The following CTNNA3 variants were observed in gnomAD, a reference collection of about 807,000 sequenced individuals.
The protein encoded by CTNNA3 is catenin alpha 3, also known as catenin alpha-3.
In CTNNA3, 76 loss-of-function variants were observed where a neutral mutation model predicts 95.7. That is an observed-to-expected ratio of 0.79 (90% CI 0.66 to 0.96). The LOEUF is 0.96. Among genes scored for constraint, CTNNA3 ranks in the 40% least tolerant of loss-of-function variants. The pLI, the probability that CTNNA3 is intolerant of heterozygous loss-of-function variation, is 0.00. For synonymous variants in CTNNA3, 431 were observed against 374.4 expected (o/e 1.15, Z -1.74); for missense variants, 1,191 against 1,089.8 (o/e 1.09, Z -1.31).
At chr10:66,552,347 T>A (rs1250276292) in intron 10 of CTNNA3, among the ~76,000 whole-genome samples, 1 of 152,118 alleles carries the variant, frequency 6.6e-6, no homozygotes, top group African/African-American at 2.4e-5. Context: ...ATTACCACCA[T>A]CTATATGATG....
intron 7 of CTNNA3, among the ~76,000 whole-genome samples, chr10:67,133,742 A>G (rs950507115): frequency 6.6e-6 from 1 of 152,138 alleles, no homozygotes; most frequent in African/African-American, 2.4e-5. Context: ...ATTCTAATAC[A>G]TGGAAAAGAC....
At chr10:67,484,827 C>T (rs1331842015) in intron 5 of CTNNA3, among the ~76,000 whole-genome samples, 1 of 151,986 alleles carries the variant, frequency 6.6e-6, no homozygotes, top group African/African-American at 2.4e-5. Context: ...CAGATGCTGG[C>T]AAGGCTATGG....
At chr10:67,317,677 G>A (rs181154223) in intron 5 of CTNNA3, among the ~76,000 whole-genome samples, 5 of 152,064 alleles carry the variant, frequency 3.3e-5, no homozygotes, top group African/African-American at 4.8e-5. Context: ...CACCTGACTC[G>A]GCCTCCCAAA....
chr10:67,088,438 T>C (rs1364027780), intron 7 of CTNNA3, among the ~76,000 whole-genome samples: 1 of 151,870 alleles, frequency 6.6e-6, no homozygotes, highest in Non-Finnish European at 1.5e-5. Context: ...CAAAATATAT[T>C]CAAAAGTGGC....
chr10:67,493,708 C>G (rs1316760422), intron 5 of CTNNA3, among the ~76,000 whole-genome samples: 1 of 152,070 alleles, frequency 6.6e-6, no homozygotes, highest in Non-Finnish European at 1.5e-5. Flanking sequence ...GTTAACAAAA[C>G]TAGCTCCAGG....
intron 12 of CTNNA3, among the ~76,000 whole-genome samples, chr10:66,334,197 T>C (rs1307576390): frequency 1.3e-5 from 2 of 152,062 alleles, no homozygotes; most frequent in Non-Finnish European, 2.9e-5. Context: ...TGCCAGTCTG[T>C]CTTTTAATTG....
intron 5 of CTNNA3, among the ~76,000 whole-genome samples, chr10:67,483,037 C>G (rs1848298806): frequency 3.9e-5 from 6 of 152,068 alleles, no homozygotes; most frequent in Admixed American, 3.9e-4. Flanking sequence ...CACTGGCCAT[C>G]AGAGAAATGC....
intron 7 of CTNNA3, among the ~76,000 whole-genome samples, chr10:67,022,749 AAC>A (rs1312530745): frequency 1.3e-5 from 2 of 152,066 alleles, no homozygotes; most frequent in Admixed American, 1.3e-4. Flanking sequence ...CATCCTGACT[AAC>A]ACAGTGAAAC....
chr10:67,691,116 G>A (rs1250568397), intron 1 of CTNNA3, among the ~76,000 whole-genome samples: 1 of 152,236 alleles, frequency 6.6e-6, no homozygotes, highest in Admixed American at 6.5e-5. Flanking sequence ...CTGGTCTCCA[G>A]CTCCCAACCA....
chr10:66,803,015 T>C (rs1841491498), intron 7 of CTNNA3, among the ~76,000 whole-genome samples: 1 of 151,964 alleles, frequency 6.6e-6, no homozygotes, highest in African/African-American at 2.4e-5. Context: ...TCGGAAATAT[T>C]CATTTTTTTT....
chr10:67,353,732 A>G (rs1842716643), intron 5 of CTNNA3, among the ~76,000 whole-genome samples: 2 of 152,032 alleles, frequency 1.3e-5, no homozygotes, highest in Admixed American at 1.3e-4. Flanking sequence ...TTCAGCATCA[A>G]GGACAGTGCA....
chr10:66,510,824 T>C (rs1840629660), intron 11 of CTNNA3, among the ~76,000 whole-genome samples: 1 of 151,898 alleles, frequency 6.6e-6, no homozygotes, highest in Admixed American at 6.6e-5. Context: ...AAATCTATCT[T>C]CATCAGACAT....
intron 5 of CTNNA3, among the ~76,000 whole-genome samples, chr10:67,440,726 A>G (rs1239284999): frequency 1.3e-5 from 2 of 152,082 alleles, no homozygotes; most frequent in African/African-American, 4.8e-5. Flanking sequence ...ATTCTATACA[A>G]GACCACCAAG....
At chr10:67,593,530 G>T (rs1842845273) in intron 3 of CTNNA3, among the ~76,000 whole-genome samples, 1 of 152,124 alleles carries the variant, frequency 6.6e-6, no homozygotes, top group Non-Finnish European at 1.5e-5. Flanking sequence ...ATTGTGAATG[G>T]ATTGTATTCT....
At chr10:66,643,956 A>G (rs1329463899) in intron 9 of CTNNA3, among the ~76,000 whole-genome samples, 3 of 152,114 alleles carry the variant, frequency 2.0e-5, no homozygotes, top group Admixed American at 6.5e-5. Context: ...ACAGCAATAT[A>G]ATGGTGTGCT....
At chr10:67,691,520 T>C (rs1840852706) in intron 1 of CTNNA3, among the ~76,000 whole-genome samples, 1 of 150,244 alleles carries the variant, frequency 6.7e-6, no homozygotes, top group South Asian at 2.1e-4. Flanking sequence ...TCGTCTGAGA[T>C]GTGGGGAGCA....
chr10:66,290,811 T>C (rs1475109849), intron 12 of CTNNA3, among the ~76,000 whole-genome samples: 1 of 152,142 alleles, frequency 6.6e-6, no homozygotes, highest in African/African-American at 2.4e-5. Context: ...TTATTCGAAA[T>C]TGATGTCAAC....
chr10:66,394,678 C>T (rs1234693509), intron 11 of CTNNA3, among the ~76,000 whole-genome samples: 1 of 151,750 alleles, frequency 6.6e-6, no homozygotes, highest in East Asian at 1.9e-4. Context: ...CCATTCAAGT[C>T]TTGCACACTG....
In CTNNA3 at chr10:67,730,101, A is replaced by G. The variant is rs192908960; in HGVS notation, c.-2+33333T>C. Among the ~76,000 whole-genome samples the G allele has an allele frequency of 6.7e-4, 102 of 152,294 alleles. 1 individual carries two copies. Among genetic ancestry groups the G allele is most frequent in the East Asian group, 1.9e-4 (1 of 5,188 alleles). On this transcript the variant is annotated intron_variant, in intron 1 of 17. Transcript: ENST00000684154. ...TCCCCACCCACCAGGATCTTCATTT[A>G]CACTCCCTTCTCTTGTGGAGGGACA...
Sources: gnomAD v4.1 joint callset for allele counts (sites outside exome capture counted in the v4.1 genomes callset) on GRCh38, gnomAD v4.1.1 for gene constraint, MANE v1.5 for transcripts, NCBI Gene and HGNC (gene_info 2026-07-23, HGNC 2026-07-21) for gene names.